Variants in GRM5 observed in about 807,000 individuals in gnomAD.
GRM5 encodes glutamate metabotropic receptor 5, also known as metabotropic glutamate receptor 5.
A neutral mutation model predicts 83.1 loss-of-function variants in GRM5; 19 were observed. That is an observed-to-expected ratio of 0.23 (90% CI 0.16 to 0.34). The LOEUF (loss-of-function observed/expected upper bound fraction) is 0.34, where lower values mean the gene tolerates loss of function less well. GRM5 is among the 10% of genes least tolerant of loss of function. The probability of loss-of-function intolerance (pLI) is 1.00; values close to 1 mark genes in which losing one functional copy is unlikely to be tolerated. For missense variants in GRM5, 1,160 were observed against 1,588.3 expected, an observed-to-expected ratio of 0.73 and a Z score of 4.58; for synonymous variants, 675 against 633.6, an observed-to-expected ratio of 1.07 and a Z score of -0.98.
chr11:89,039,162 G>C (rs183662900), intron 2 of GRM5, among the ~76,000 whole-genome samples: 72 of 151,918 alleles, frequency 4.7e-4, no homozygotes, highest in Admixed American at 4.5e-3. Context: ...CTACTCGGGA[G>C]ACTCAGGCAG....
intron 2 of GRM5, among the ~76,000 whole-genome samples, chr11:88,996,205 C>T (rs1454260516): frequency 6.6e-6 from 1 of 152,174 alleles, no homozygotes; most frequent in South Asian, 2.1e-4. Context: ...TCCATACACA[C>T]AATTTGATTA....
intron 2 of GRM5, among the ~76,000 whole-genome samples, chr11:88,867,208 T>A (rs762488825): frequency 6.6e-6 from 1 of 151,980 alleles, no homozygotes; most frequent in Non-Finnish European, 1.5e-5. Context: ...TGGTTCCATA[T>A]GAAATTTAAA....
In GRM5 at chr11:88,859,597, C is replaced by G. The variant is rs531430856; in HGVS notation, c.662-9442G>C. On this transcript the variant is annotated intron_variant, in intron 2 of 9. Coordinates refer to ENST00000305447, the MANE Select transcript of GRM5 (RefSeq NM_001143831.3). ...AAACAATTTGCCAAATAATTGACAG[C>G]TAGTAAATAGAAGAGCTGAAATTTC... Among the ~76,000 whole-genome samples, 3 of 152,162 alleles carry G rather than the reference C, an allele frequency of 2.0e-5. No homozygotes were observed. In the South Asian group the frequency reaches 6.2e-4, roughly 32 times the overall value.
intron 3 of GRM5, among the ~76,000 whole-genome samples, chr11:88,773,431 G>C (rs541040076): frequency 2.8e-4 from 42 of 152,198 alleles, no homozygotes; most frequent in Non-Finnish European, 5.6e-4. Context: ...AGTTTCTTTT[G>C]TCATGCAGAA....
intron 2 of GRM5, among the ~76,000 whole-genome samples, chr11:88,955,992 A>T (rs573450826): frequency 6.6e-6 from 1 of 152,338 alleles, no homozygotes; most frequent in Admixed American, 6.5e-5. Flanking sequence ...TTATTTTTTT[A>T]AAAATTCAAT....
At chr11:88,732,135 C>A (rs1941819844) in intron 3 of GRM5, among the ~76,000 whole-genome samples, 1 of 152,072 alleles carries the variant, frequency 6.6e-6, no homozygotes, top group Admixed American at 6.6e-5. Flanking sequence ...CTGTACATGT[C>A]TCTATCATAG....
intron 3 of GRM5, among the ~76,000 whole-genome samples, chr11:88,802,056 T>A (rs912713366): frequency 6.6e-6 from 1 of 152,178 alleles, no homozygotes; most frequent in African/African-American, 2.4e-5. Flanking sequence ...ATATCTCTTT[T>A]AAGTTTCAGG....
intron 3 of GRM5, among the ~76,000 whole-genome samples, chr11:88,687,256 T>TGAA (rs1466023453): frequency 6.6e-6 from 1 of 151,076 alleles, no homozygotes; most frequent in Non-Finnish European, 1.5e-5. Flanking sequence ...AGGAGGATCA[T>TGAA]GAAGTCAGGA....
At chr11:88,938,834 A>G (rs1437603410) in intron 2 of GRM5, among the ~76,000 whole-genome samples, 1 of 151,690 alleles carries the variant, frequency 6.6e-6, no homozygotes, top group Non-Finnish European at 1.5e-5. Context: ...GCTTACATAT[A>G]TTTTTGATTT....
intron 2 of GRM5, among the ~76,000 whole-genome samples, chr11:88,913,587 C>CTT (rs5793358): frequency 6.9e-5 from 6 of 87,378 alleles, no homozygotes; most frequent in African/African-American, 1.6e-4. Flanking sequence ...CTCTCTCTCT[C>CTT]TTTTTTTTTT....
At chr11:88,928,615 G>A (rs1461249513) in intron 2 of GRM5, among the ~76,000 whole-genome samples, 3 of 151,636 alleles carry the variant, frequency 2.0e-5, no homozygotes, top group African/African-American at 7.3e-5. Context: ...CATGTTTTCT[G>A]AATCAATCAC....
chr11:88,902,950 C>CAAAAAAAAAA (rs201996144), intron 2 of GRM5, among the ~76,000 whole-genome samples: 106 of 61,856 alleles, frequency 1.7e-3, no homozygotes, highest in Non-Finnish European at 2.1e-3. Flanking sequence ...GACTCCATCT[C>CAAAAAAAAAA]AAAAAAAAAA....
At chr11:88,982,956 C>A (rs1264653181) in intron 2 of GRM5, among the ~76,000 whole-genome samples, 1 of 152,184 alleles carries the variant, frequency 6.6e-6, no homozygotes, top group Non-Finnish European at 1.5e-5. Flanking sequence ...ATCTCAGCTA[C>A]TCAGGAAGCT....
chr11:88,718,872 A>G (rs1316150940), intron 3 of GRM5, among the ~76,000 whole-genome samples: 1 of 151,916 alleles, frequency 6.6e-6, no homozygotes, highest in East Asian at 1.9e-4. Flanking sequence ...CAAAGAAGTC[A>G]CAGATTCTGT....
chr11:88,688,906 A>G (rs1013977286), intron 3 of GRM5, among the ~76,000 whole-genome samples: 1 of 152,172 alleles, frequency 6.6e-6, no homozygotes, highest in South Asian at 2.1e-4. Context: ...TAGCTGCAAC[A>G]TGTGAGACAA....
At chr11:89,020,677 T>G (rs7126679) in intron 2 of GRM5, among the ~76,000 whole-genome samples, 74 of 152,018 alleles carry the variant, frequency 4.9e-4, no homozygotes, top group African/African-American at 1.8e-3. Flanking sequence ...CATGCCTATC[T>G]GGTTTTTGAT....
intron 3 of GRM5, among the ~76,000 whole-genome samples, chr11:88,838,084 CAAAA>C (rs1157680177): frequency 0.029 from 1,625 of 55,250 alleles, 34 homozygotes; most frequent in Admixed American, 0.2. Context: ...GACTCCATCT[CAAAA>C]AAAAAAAAAA....
Position 88,567,787 on chromosome 11 carries a change from G to A in GRM5, c.1896C>T (p.Thr632=). The A allele has an allele frequency of 1.2e-6, 2 of 1,614,034 alleles. No homozygotes were observed. Among genetic ancestry groups the A allele is most frequent in the Non-Finnish European group, 1.7e-6 (2 of 1,179,876 alleles). The stretch of plus-strand genomic sequence containing the variant: ...GTTTGGGCTTCGCAATGAGGCAGAA[G>A]GTACATAAGTAGCCCAGGCAGATGC... ...LAGICLGYLC[T]FCLIAKPKQI... is the part of the protein sequence containing the mutation. Residue 632 remains threonine (T), a synonymous_variant, in exon 8 of 10, where the codon ACC becomes ACT. Transcript: ENST00000305447. The surrounding 1 kb of genome is among the most constrained non-coding windows in gnomAD (Gnocchi z 7.3).
At chr11:88,702,320 G>C (rs1486771814) in intron 3 of GRM5, among the ~76,000 whole-genome samples, 1 of 152,032 alleles carries the variant, frequency 6.6e-6, no homozygotes, top group African/African-American at 2.4e-5. Context: ...ACCCTGAAAG[G>C]TTATCCAGCT....
Sources: allele counts gnomAD v4.1 joint callset (sites outside exome capture counted in the v4.1 genomes callset), GRCh38; gene constraint gnomAD v4.1.1; non-coding constraint Gnocchi (gnomAD v3.1); transcripts MANE v1.5; gene names NCBI Gene and HGNC (gene_info 2026-07-23, HGNC 2026-07-21).